The following AKAP12 variants were observed in gnomAD, a reference collection of about 807,000 sequenced individuals.
The protein encoded by AKAP12 is A-kinase anchoring protein 12.
Under a neutral mutation model 79.9 loss-of-function variants are expected in AKAP12, and 32 were observed. The observed-to-expected ratio is 0.40, with a 90% CI of 0.30 to 0.54. The LOEUF is 0.54. Among genes scored for constraint, AKAP12 ranks in the 20% least tolerant of loss-of-function variants. The pLI, the probability that AKAP12 is intolerant of heterozygous loss-of-function variation, is 0.48. For missense variants in AKAP12, 2,074 were observed against 2,177.0 expected (o/e 0.95, Z 0.94); for synonymous variants, 808 against 857.0 (o/e 0.94, Z 1.00).
chr6:151,300,661 T>C (rs1776846317), intron 2 of AKAP12, among the ~76,000 whole-genome samples: 1 of 152,144 alleles, frequency 6.6e-6, no homozygotes, highest in South Asian at 2.1e-4. Context: ...TTCTTGGTTG[T>C]TGTTCTTACA....
In AKAP12 at chr6:151,350,447, G is replaced by C; in HGVS notation, c.2056G>C (p.Gly686Arg). Reference protein sequence around the residue: ...SVSWEALICVGSSKKRARRGS... With the variant: ...SVSWEALICVRSSKKRARRGS... ...ATCTTGGGAAGCTTTAATTTGTGTG[G>C]GATCATCCAAGAAAAGAGCAAGGAG... Residue 686 changes from glycine to arginine, a missense_variant, in exon 4 of 5, where the codon GGA becomes CGA. Coordinates refer to ENST00000402676, the MANE Select transcript of AKAP12 (RefSeq NM_005100.4). The surrounding 1 kb of genome is among the most constrained non-coding windows in gnomAD (Gnocchi z 4.8). The C allele has an allele frequency of 1.2e-6, 2 of 1,614,034 alleles. No individual in the cohort carries two copies. The highest frequency in any genetic ancestry group is 1.7e-6 in the Non-Finnish European group (2 of 1,180,016).
chr6:151,352,640 G>GCAT lies in AKAP12; in HGVS notation c.4253_4255dup (p.Ser1418dup). On this transcript the variant is annotated inframe_insertion, in exon 4 of 5. Transcript: ENST00000402676. ...CAAAATTCAAGTTCAGAGCTCTGAG[G>GCAT]CATCATTCACTCTAACAGCGGCTGC... 1 of 1,614,222 alleles carries GCAT rather than the reference G, an allele frequency of 6.2e-7. No homozygotes were observed. The highest frequency in any genetic ancestry group is 8.5e-7 in the Non-Finnish European group (1 of 1,180,040).
Position 151,351,429 on chromosome 6 carries a change from CAG to C in AKAP12, c.3040_3041del (p.Asp1014HisfsTer17). On this transcript the variant is annotated frameshift_variant, in exon 4 of 5. Coordinates refer to ENST00000402676, the MANE Select transcript of AKAP12 (RefSeq NM_005100.4). LOFTEE classifies it high-confidence loss of function. This position sits in a 1 kb window ranked among gnomAD's most constrained non-coding sequence, Gnocchi z 4.4. ...GCAGTCTCCCAGTTAACCGACTCCC[CAG>C]ACACCACAGAGGAGGCCACTCCGGT... 6.2e-7 allele frequency: 1 copy of C among 1,614,208 alleles called. No homozygotes were observed. Among genetic ancestry groups the C allele is most frequent in the Non-Finnish European group, 8.5e-7 (1 of 1,180,036 alleles).
Position 151,348,697 on chromosome 6 carries a change from C to CCCCCTTTTTT in AKAP12, c.320-14_320-13insCCCCTTTTTT. The CCCCCTTTTTT allele has an allele frequency of 7.7e-6, 5 of 650,664 alleles. No homozygotes were observed. The highest frequency in any genetic ancestry group is 4.9e-5 in the South Asian group (2 of 40,482). The allele number at this position is 650,664 out of a possible 1,614,324, so 40.3% of individuals were successfully genotyped here. A position where few individuals can be genotyped will look rare whatever the true frequency, so the allele number is the denominator to read the frequency against. On this transcript the variant is annotated splice_polypyrimidine_tract_variant and intron_variant, in intron 3 of 4. Transcript: ENST00000402676. ...TTCTCTTCTCCCCACCCCCCCGCCC[C>CCCCCTTTTTT]TTTTTGTTAATAGTTGGACAGAGAG...
At chr6:151,286,427 A>G (rs7746345) in intron 2 of AKAP12, among the ~76,000 whole-genome samples, 13 of 152,328 alleles carry the variant, frequency 8.5e-5, no homozygotes, top group African/African-American at 3.1e-4. Flanking sequence ...GGGAGGGGGC[A>G]TTTCCCAGAA....
At chr6:151,282,679 G>C (rs1414958153) in intron 2 of AKAP12, among the ~76,000 whole-genome samples, 1 of 152,122 alleles carries the variant, frequency 6.6e-6, no homozygotes, top group Non-Finnish European at 1.5e-5. Flanking sequence ...GCTCTGCCTG[G>C]GTCTGATGGT....
At chr6:151,340,695 T>C (rs1249268510) in intron 3 of AKAP12, among the ~76,000 whole-genome samples, 2 of 151,334 alleles carry the variant, frequency 1.3e-5, no homozygotes, top group Admixed American at 6.6e-5. Context: ...TAAAGCTCTT[T>C]ACAACCAAGC....
intron 3 of AKAP12, among the ~76,000 whole-genome samples, chr6:151,346,316 T>G (rs1446066834): frequency 2.0e-5 from 3 of 152,188 alleles, no homozygotes; most frequent in African/African-American, 7.2e-5. Context: ...TAGTAAACAC[T>G]TATATACACT....
intron 2 of AKAP12, among the ~76,000 whole-genome samples, chr6:151,251,115 A>G (rs1797165393): frequency 6.6e-6 from 1 of 152,196 alleles, no homozygotes; most frequent in South Asian, 2.1e-4. Context: ...TTTTTGGGAA[A>G]GTGTTCTAGG....
intron 3 of AKAP12, chr6:151,323,743 G>A (rs2114782897): frequency 1.0e-6 from 1 of 985,392 alleles, no homozygotes; most frequent in Non-Finnish European, 1.2e-6. Flanking sequence ...AATAGCTGTT[G>A]CTTGTCCCAG....
rs1157088954 is a variant in AKAP12, at chr6:151,304,488, C to CA, written c.163-1228dup. The stretch of plus-strand genomic sequence containing the variant: ...TGGGTGAAACAGTGACACTCCATCT[C>CA]AAAAAAAAAAAAAAAAAAAAAAAAA... On this transcript the variant is annotated intron_variant, in intron 2 of 4. Transcript: ENST00000402676. 8.7e-3 allele frequency among the ~76,000 whole-genome samples: 401 copies of CA among 45,982 alleles called. 41 individuals are homozygous for CA. Among genetic ancestry groups the CA allele is most frequent in the Non-Finnish European group, 0.013 (265 of 20,402 alleles). 30.2% of individuals were successfully genotyped at this position (45,982 alleles called of 152,430 possible). A position where few individuals can be genotyped will look rare whatever the true frequency, so the allele number is the denominator to read the frequency against.
At chr6:151,312,660 C>A (rs375603482) in intron 3 of AKAP12, among the ~76,000 whole-genome samples, 2 of 151,824 alleles carry the variant, frequency 1.3e-5, no homozygotes, top group Non-Finnish European at 2.9e-5. Flanking sequence ...GGCGTGGTGG[C>A]GGGCGCCTGT....
intron 3 of AKAP12, among the ~76,000 whole-genome samples, chr6:151,340,409 T>C (rs1434767150): frequency 1.3e-5 from 2 of 152,200 alleles, no homozygotes; most frequent in Admixed American, 1.3e-4. Flanking sequence ...TTCAACTCAT[T>C]TGGGTGAATA....
chr6:151,311,207 C>T (rs1361868977), intron 3 of AKAP12, among the ~76,000 whole-genome samples: 1 of 152,240 alleles, frequency 6.6e-6, no homozygotes, highest in East Asian at 1.9e-4. Context: ...TGGCTTCAAG[C>T]TTCCTTCCAC....
intron 2 of AKAP12, among the ~76,000 whole-genome samples, chr6:151,241,281 G>A (rs1356402971): frequency 6.6e-6 from 1 of 152,246 alleles, no homozygotes; most frequent in African/African-American, 2.4e-5. Flanking sequence ...GGCCCGAGCA[G>A]GCACCGCCTT....
At chr6:151,348,104 G>A (rs1182425117) in intron 3 of AKAP12, among the ~76,000 whole-genome samples, 3 of 151,680 alleles carry the variant, frequency 2.0e-5, no homozygotes, top group Non-Finnish European at 4.4e-5. Context: ...AGTGAGCCAC[G>A]ATCGTGCCTC....
chr6:151,328,061 C>T (rs1777572263), intron 3 of AKAP12, among the ~76,000 whole-genome samples: 1 of 152,194 alleles, frequency 6.6e-6, no homozygotes, highest in African/African-American at 2.4e-5. Flanking sequence ...GGCGCGGTGG[C>T]TCACGCCTGT....
chr6:151,322,110 A>G (rs1204522290), intron 3 of AKAP12, among the ~76,000 whole-genome samples: 2 of 151,248 alleles, frequency 1.3e-5, no homozygotes, highest in Non-Finnish European at 2.9e-5. Flanking sequence ...GGGTTTCATC[A>G]TGTTGGCCAG....
intron 2 of AKAP12, among the ~76,000 whole-genome samples, chr6:151,271,289 C>T (rs182198043): frequency 6.7e-4 from 101 of 151,726 alleles, no homozygotes; most frequent in African/African-American, 2.1e-3. Flanking sequence ...CTACATTCTT[C>T]TGCTTACCCC....
Sources: allele counts gnomAD v4.1 joint callset (sites outside exome capture counted in the v4.1 genomes callset), GRCh38; gene constraint gnomAD v4.1.1; non-coding constraint Gnocchi (gnomAD v3.1); transcripts MANE v1.5; gene names NCBI Gene and HGNC (gene_info 2026-07-23, HGNC 2026-07-21).